Variants in CPNE4 observed in about 807,000 individuals in gnomAD.
The protein encoded by CPNE4 is copine-4.
CPNE4 carries 25 observed loss-of-function variants against 67.9 expected under a neutral mutation model. That is an observed-to-expected ratio of 0.37 (90% CI 0.27 to 0.51). The LOEUF (loss-of-function observed/expected upper bound fraction) is 0.51, where lower values mean the gene tolerates loss of function less well. Ranked by LOEUF, CPNE4 falls within the 20% of genes least tolerant of loss-of-function variation. CPNE4 has a pLI of 0.93. For missense variants in CPNE4, 464 were observed against 690.8 expected, an observed-to-expected ratio of 0.67 and a Z score of 3.68; for synonymous variants, 242 against 244.9, an observed-to-expected ratio of 0.99 and a Z score of 0.11.
intron 2 of CPNE4, among the ~76,000 whole-genome samples, chr3:131,804,311 A>G (rs1471019057): frequency 6.6e-6 from 1 of 152,144 alleles, no homozygotes; most frequent in Non-Finnish European, 1.5e-5. Flanking sequence ...CACTACAGGG[A>G]AAATGTTAAT....
chr3:131,913,089 T>G (rs2089042978), intron 1 of CPNE4, among the ~76,000 whole-genome samples: 2 of 152,084 alleles, frequency 1.3e-5, no homozygotes, highest in Non-Finnish European at 1.5e-5. Flanking sequence ...ACTGTTAAAG[T>G]AGGTAGCTAG....
chr3:131,811,018 G>C (rs11705732), intron 2 of CPNE4, among the ~76,000 whole-genome samples: 1 of 151,856 alleles, frequency 6.6e-6, no homozygotes, highest in Non-Finnish European at 1.5e-5. Flanking sequence ...GTGGTTACCA[G>C]GAAAGGAGAA....
At chr3:131,867,615 C>G (rs1426293400) in intron 2 of CPNE4, among the ~76,000 whole-genome samples, 1 of 152,108 alleles carries the variant, frequency 6.6e-6, no homozygotes. Context: ...ACTTTCCTAC[C>G]ACAACTGCCT....
chr3:131,542,464 G>A, intron 15 of CPNE4, 93 bp downstream of exon 15: 1 of 867,568 alleles, frequency 1.2e-6, no homozygotes, highest in Non-Finnish European at 1.9e-6. Flanking sequence ...CAAGAATGGT[G>A]GATCACCATA....
At chr3:131,767,696 A>G (rs150731862) in intron 2 of CPNE4, among the ~76,000 whole-genome samples, 1,677 of 152,238 alleles carry the variant, frequency 0.011, 28 homozygotes, top group African/African-American at 0.038. Flanking sequence ...TCTGCTTACC[A>G]TAAGGATAAC....
At chr3:131,751,470 T>C (rs1204267317) in intron 2 of CPNE4, among the ~76,000 whole-genome samples, 1 of 152,104 alleles carries the variant, frequency 6.6e-6, no homozygotes, top group Non-Finnish European at 1.5e-5. Context: ...TGTTGTATAC[T>C]TTATTTCTAA....
At chr3:131,601,813 A>G (rs1939222712) in intron 7 of CPNE4, among the ~76,000 whole-genome samples, 1 of 152,112 alleles carries the variant, frequency 6.6e-6, no homozygotes, top group Non-Finnish European at 1.5e-5. Flanking sequence ...ACTTCTCTAT[A>G]GGACTCGTGC....
At chr3:131,957,082 G>A (rs182141543) in intron 1 of CPNE4, among the ~76,000 whole-genome samples, 1 of 152,290 alleles carries the variant, frequency 6.6e-6, no homozygotes, top group Admixed American at 6.5e-5. Context: ...TCAATGCCGT[G>A]TCCTACTTAG....
chr3:131,869,729 C>T (rs1380131282), intron 2 of CPNE4, among the ~76,000 whole-genome samples: 1 of 151,930 alleles, frequency 6.6e-6, no homozygotes, highest in Non-Finnish European at 1.5e-5. Flanking sequence ...GTTGTATGTT[C>T]GGAGAAAAAG....
chr3:131,670,353 C>T (rs984460870), intron 6 of CPNE4, among the ~76,000 whole-genome samples: 1 of 152,164 alleles, frequency 6.6e-6, no homozygotes, highest in South Asian at 2.1e-4. Flanking sequence ...AAAGGCGTGA[C>T]AAAGCAGATC....
At chr3:132,010,296 G>A (rs530204743) in intron 1 of CPNE4, among the ~76,000 whole-genome samples, 9 of 152,250 alleles carry the variant, frequency 5.9e-5, no homozygotes, top group Non-Finnish European at 1.0e-4. Flanking sequence ...TCTACACACA[G>A]CTACAAATAA....
intron 2 of CPNE4, among the ~76,000 whole-genome samples, chr3:131,728,595 G>A (rs946366143): frequency 6.6e-6 from 1 of 152,114 alleles, no homozygotes; most frequent in Non-Finnish European, 1.5e-5. Context: ...TACAGTGGGG[G>A]CCCTAAACAC....
intron 1 of CPNE4, among the ~76,000 whole-genome samples, chr3:131,982,112 C>A (rs2072923397): frequency 6.6e-6 from 1 of 152,184 alleles, no homozygotes. Flanking sequence ...CGAACCTCTT[C>A]TTTTTATGTT....
chr3:131,764,860 T>A (rs1043514383), intron 2 of CPNE4, among the ~76,000 whole-genome samples: 4 of 152,108 alleles, frequency 2.6e-5, no homozygotes, highest in African/African-American at 9.7e-5. Context: ...AAACAGTGAC[T>A]AGACACATTG....
rs562730696 is a variant in CPNE4 at position 131,615,009 on chromosome 3, C to T, written c.682-27427G>A. Among the ~76,000 whole-genome samples, 600 of 152,272 alleles carry T rather than the reference C, an allele frequency of 3.9e-3. 1 individual carries two copies. Among genetic ancestry groups the T allele is most frequent in the Middle Eastern group, 0.014 (4 of 294 alleles). On this transcript the variant is annotated intron_variant, in intron 7 of 15. Coordinates refer to ENST00000429747, the MANE Select transcript of CPNE4 (RefSeq NM_130808.3). ...ATCACTATTCTTAAACTTTAGTATG[C>T]ACATAAATCACCTGGGGGGCTTGTT...
chr3:131,810,709 G>A (rs978996454), intron 2 of CPNE4, among the ~76,000 whole-genome samples: 7 of 152,148 alleles, frequency 4.6e-5, no homozygotes, highest in East Asian at 1.9e-4. Context: ...ATTGAAATTC[G>A]GATCTGGAAG....
At chr3:131,614,842 AATGTCTTAATACCTTGTTCAAG>A (rs1488574894) in intron 7 of CPNE4, among the ~76,000 whole-genome samples, 1 of 152,202 alleles carries the variant, frequency 6.6e-6, no homozygotes, top group Non-Finnish European at 1.5e-5. Flanking sequence ...ACTTGTTCTT[AATGTCTTAATACCTTGTTCAAG>A]ATGTCTTAAT....
chr3:131,864,265 G>A (rs2086832312), intron 2 of CPNE4, among the ~76,000 whole-genome samples: 1 of 151,456 alleles, frequency 6.6e-6, no homozygotes, highest in South Asian at 2.1e-4. Context: ...AGCTTGATGG[G>A]GATGGCATTG....
intron 2 of CPNE4, among the ~76,000 whole-genome samples, chr3:131,880,273 G>T (rs1168745682): frequency 2.6e-5 from 4 of 151,778 alleles, no homozygotes. Flanking sequence ...CCACGACCAC[G>T]CCCGGCTAAT....
Sources: allele counts gnomAD v4.1 joint callset (sites outside exome capture counted in the v4.1 genomes callset), GRCh38; gene constraint gnomAD v4.1.1; transcripts MANE v1.5; gene names NCBI Gene and HGNC (gene_info 2026-07-23, HGNC 2026-07-21).